The following MTMR7 variants were observed in gnomAD, a reference collection of about 807,000 sequenced individuals.
The protein encoded by MTMR7 is phosphatidylinositol-3-phosphate phosphatase MTMR7.
Under a neutral mutation model 81.2 loss-of-function variants are expected in MTMR7, and 76 were observed. The observed-to-expected ratio is 0.94, with a 90% confidence interval of 0.78 to 1.13. The LOEUF (loss-of-function observed/expected upper bound fraction) is 1.13, where lower values mean the gene tolerates loss of function less well. Ranked by LOEUF, MTMR7 falls within the 50% of genes most tolerant of loss-of-function variation. MTMR7 has a pLI of 0.00. For synonymous variants in MTMR7, 372 were observed against 289.8 expected (o/e 1.28, Z -2.88); for missense variants, 1,044 against 820.0 (o/e 1.27, Z -3.34).
intron 4 of MTMR7, among the ~76,000 whole-genome samples, chr8:17,350,119 G>C (rs1364428427): frequency 1.3e-5 from 2 of 152,306 alleles, no homozygotes; most frequent in South Asian, 2.1e-4. Context: ...CAGTCCATCA[G>C]TCTTTTCGCA....
intron 13 of MTMR7, among the ~76,000 whole-genome samples, chr8:17,301,020 C>G (rs1162937992): frequency 6.6e-6 from 1 of 152,230 alleles, no homozygotes; most frequent in East Asian, 1.9e-4. Flanking sequence ...CCCCATTCAT[C>G]ATGTTATGGA....
At chr8:17,394,605 T>C (rs551938537) in intron 1 of MTMR7, among the ~76,000 whole-genome samples, 55 of 152,248 alleles carry the variant, frequency 3.6e-4, no homozygotes, top group African/African-American at 1.3e-3. Flanking sequence ...AGAAATTACA[T>C]AGAGAGTAGT....
At chr8:17,345,284 C>T (rs541255421) in intron 5 of MTMR7, among the ~76,000 whole-genome samples, 1 of 152,340 alleles carries the variant, frequency 6.6e-6, no homozygotes, top group South Asian at 2.1e-4. Flanking sequence ...TCCAACAGAC[C>T]AGGTGCAGTT....
chr8:17,402,129 T>G (rs979948279), intron 1 of MTMR7, among the ~76,000 whole-genome samples: 1 of 152,172 alleles, frequency 6.6e-6, no homozygotes, highest in Non-Finnish European at 1.5e-5. Flanking sequence ...ATAGTAGGTC[T>G]ATATATTTAT....
In MTMR7 at chr8:17,309,333, A is replaced by G; in HGVS notation, c.1102-7T>C. 6.5e-7 allele frequency: 1 copy of G among 1,543,202 alleles called. No individual in the cohort carries two copies. The highest frequency in any genetic ancestry group is 2.2e-5 in the East Asian group (1 of 44,578). On this transcript the variant is annotated splice_region_variant and splice_polypyrimidine_tract_variant and intron_variant, in intron 9 of 13. Transcript: ENST00000180173. ...AGTCCTTTTCAATTAATACCTACAC[A>G]AGAAAGAATACAAATATCTTGGAGA...
At position 17,298,578 on chromosome 8, in the gene MTMR7, A is replaced by C. The variant is rs1816894272; in HGVS notation, c.*1284T>G. 3 of 152,400 alleles carry C rather than the reference A, an allele frequency of 2.0e-5. No individual in the cohort carries two copies. The highest frequency in any genetic ancestry group is 7.3e-5 in the African/African-American group (3 of 41,288). The allele number at this position is 152,400 out of a possible 1,614,324, so 9.4% of individuals were successfully genotyped here. On this transcript the variant is annotated 3_prime_UTR_variant, in exon 14 of 14. Transcript: ENST00000180173. ...ATCAGATATTCAAAATATTGATGTA[A>C]ATTGTAAAGTTTAAATTAATCCTTT... is the stretch of plus-strand genomic sequence containing the variant.
intron 10 of MTMR7, 40 bp from the exon 11 acceptor site, chr8:17,305,997 A>G: frequency 6.6e-7 from 1 of 1,517,466 alleles, no homozygotes; most frequent in Non-Finnish European, 9.0e-7. Flanking sequence ...AGGCAGATTT[A>G]TTTTTAAAGT....
At chr8:17,364,020 TA>T (rs556344163) in intron 3 of MTMR7, among the ~76,000 whole-genome samples, 3,333 of 122,424 alleles carry the variant, frequency 0.027, 499 homozygotes, top group African/African-American at 0.11. Context: ...GTGTTGCTAT[TA>T]TTTTTTTTTT....
At chr8:17,300,781 C>A (rs1209760948) in intron 13 of MTMR7, among the ~76,000 whole-genome samples, 2 of 152,230 alleles carry the variant, frequency 1.3e-5, no homozygotes, top group Non-Finnish European at 2.9e-5. Flanking sequence ...ATTCCTATCT[C>A]CCCACAGCCC....
At chr8:17,376,398 T>C (rs954515719) in intron 1 of MTMR7, among the ~76,000 whole-genome samples, 1 of 152,262 alleles carries the variant, frequency 6.6e-6, no homozygotes, top group Non-Finnish European at 1.5e-5. Context: ...TGCTATGTAC[T>C]TTTGAGCATA....
intron 7 of MTMR7, among the ~76,000 whole-genome samples, chr8:17,317,672 C>T (rs6587033): frequency 0.59 from 89,015 of 151,976 alleles, 26,818 homozygotes; most frequent in African/African-American, 0.72. Context: ...AACTGCTTCT[C>T]GTGCAAACAT....
In MTMR7 at chr8:17,361,191, G is replaced by C; in HGVS notation, c.394C>G (p.Leu132Val). Reference protein sequence around the residue: ...EREQGWVLIDLSEEYTRMGLP... With the variant: ...EREQGWVLIDVSEEYTRMGLP... ...CCCATCCGCGTGTATTCTTCACTAA[G>C]ATCGATCAGCACCCAGCCTTGCTCT... The change falls in exon 4 of 14, where the codon CTT (leucine) becomes GTT (valine). Residue 132 changes from leucine to valine, a missense_variant. Leu to Val is a conservative substitution (Grantham distance 32). Coordinates refer to ENST00000180173, the MANE Select transcript of MTMR7 (RefSeq NM_004686.5). 1 of 1,614,184 alleles carries C rather than the reference G, an allele frequency of 6.2e-7. No individual in the cohort carries two copies. Among genetic ancestry groups the C allele is most frequent in the Non-Finnish European group, 8.5e-7 (1 of 1,180,020 alleles).
chr8:17,311,781 CT>C (rs1817795690), intron 8 of MTMR7, 145 bp from the exon 9 acceptor site: 1 of 1,288,730 alleles, frequency 7.8e-7, no homozygotes, highest in African/African-American at 1.5e-5. Context: ...AGGGCCCCCC[CT>C]AATTAGGGCA....
intron 1 of MTMR7, among the ~76,000 whole-genome samples, chr8:17,383,012 G>A (rs1459444664): frequency 6.7e-6 from 1 of 149,356 alleles, no homozygotes; most frequent in East Asian, 1.9e-4. Flanking sequence ...AGCGGCTGGT[G>A]TTCCTCCGAG....
At chr8:17,351,793 C>G (rs17124439) in intron 4 of MTMR7, among the ~76,000 whole-genome samples, 7,256 of 152,260 alleles carry the variant, frequency 0.048, 484 homozygotes, top group African/African-American at 0.15. Flanking sequence ...TTGAGAAAAG[C>G]AGATTTAGGG....
chr8:17,412,024 C>T (rs993528228), intron 1 of MTMR7, among the ~76,000 whole-genome samples: 6 of 152,216 alleles, frequency 3.9e-5, no homozygotes, highest in Non-Finnish European at 8.8e-5. Flanking sequence ...CTTTGAGCCA[C>T]CTATTCTGTG....
chr8:17,397,829 G>A (rs1821308113), intron 1 of MTMR7, among the ~76,000 whole-genome samples: 1 of 152,246 alleles, frequency 6.6e-6, no homozygotes, highest in South Asian at 2.1e-4. Context: ...GTGGCCACAG[G>A]GGTACTTGTG....
At chr8:17,334,870 T>C (rs1819179955) in intron 6 of MTMR7, among the ~76,000 whole-genome samples, 1 of 152,114 alleles carries the variant, frequency 6.6e-6, no homozygotes, top group South Asian at 2.1e-4. Flanking sequence ...GAGAGAAAGC[T>C]AGAGCTGGAC....
intron 4 of MTMR7, among the ~76,000 whole-genome samples, chr8:17,359,110 C>A (rs1819984787): frequency 6.6e-6 from 1 of 151,990 alleles, no homozygotes; most frequent in Non-Finnish European, 1.5e-5. Flanking sequence ...GTTGCCCAGG[C>A]TGGTCTCAAA....
Sources: gnomAD v4.1 joint callset for allele counts (sites outside exome capture counted in the v4.1 genomes callset) on GRCh38, gnomAD v4.1.1 for gene constraint, MANE v1.5 for transcripts, NCBI Gene and HGNC (gene_info 2026-07-23, HGNC 2026-07-21) for gene names.